The following ANKRD6 variants were observed in gnomAD, a reference collection of about 807,000 sequenced individuals.
ANKRD6 encodes ankyrin repeat domain-containing protein 6.
ANKRD6 carries 56 observed loss-of-function variants against 82.3 expected under a neutral mutation model. That is an observed-to-expected ratio of 0.68 (90% CI 0.55 to 0.85). The LOEUF is 0.85. ANKRD6 is among the 40% of genes least tolerant of loss of function. ANKRD6 has a pLI of 0.00. For missense variants in ANKRD6, 852 were observed against 907.6 expected (o/e 0.94, Z 0.79); for synonymous variants, 347 against 352.1 (o/e 0.99, Z 0.16).
chr6:89,627,085 T>A (rs1472769466), intron 13 of ANKRD6, among the ~76,000 whole-genome samples: 1 of 152,134 alleles, frequency 6.6e-6, no homozygotes, highest in East Asian at 1.9e-4. Flanking sequence ...GGTTGTGTAT[T>A]TACTGGATAT....
intron 1 of ANKRD6, among the ~76,000 whole-genome samples, chr6:89,496,004 C>G (rs1778565824): frequency 6.6e-6 from 1 of 152,042 alleles, no homozygotes; most frequent in Admixed American, 6.5e-5. Flanking sequence ...ATATGCAATT[C>G]CATGGGCCCC....
rs1466750408 is a variant in ANKRD6, at chr6:89,629,052, G to T, written c.1486-60G>T. On this transcript the variant is annotated intron_variant, in intron 14 of 15. Coordinates refer to ENST00000339746, the MANE Select transcript of ANKRD6 (RefSeq NM_001242809.2). ...CTTGATGCTTTAATTCATAAACCAT[G>T]TATCAAATTCACTTGATTCTTCTAT... 18 of 1,536,664 alleles carry T rather than the reference G, an allele frequency of 1.2e-5. 1 individual carries two copies. The highest frequency in any genetic ancestry group is 2.4e-5 in the South Asian group (2 of 83,888).
intron 1 of ANKRD6, among the ~76,000 whole-genome samples, chr6:89,529,727 T>C (rs1305407546): frequency 2.6e-5 from 4 of 152,174 alleles, no homozygotes; most frequent in Admixed American, 6.5e-5. Flanking sequence ...TAGAGGCCAT[T>C]GTATGGTTAT....
chr6:89,476,083 CTT>C (rs1217553936), intron 1 of ANKRD6, among the ~76,000 whole-genome samples: 4 of 152,154 alleles, frequency 2.6e-5, no homozygotes, highest in Admixed American at 2.0e-4. Context: ...TAATGCCACT[CTT>C]GATACATTTT....
intron 5 of ANKRD6, among the ~76,000 whole-genome samples, chr6:89,607,188 C>A (rs1179552114): frequency 6.6e-6 from 1 of 150,882 alleles, no homozygotes; most frequent in African/African-American, 2.4e-5. Flanking sequence ...AAAAAAGGTC[C>A]TTTTTACTTG....
chr6:89,465,797 A>T (rs1264340548), intron 1 of ANKRD6, among the ~76,000 whole-genome samples: 4 of 152,146 alleles, frequency 2.6e-5, no homozygotes, highest in Non-Finnish European at 5.9e-5. Flanking sequence ...CGGGAGATCA[A>T]TGCTGCAGTG....
chr6:89,526,116 T>C (rs1351747315), intron 1 of ANKRD6, among the ~76,000 whole-genome samples: 2 of 152,244 alleles, frequency 1.3e-5, no homozygotes, highest in East Asian at 3.8e-4. Context: ...ACCTTAGTGT[T>C]CGTCTTAGTC....
At chr6:89,596,768 C>G (rs920361490) in intron 3 of ANKRD6, among the ~76,000 whole-genome samples, 2 of 152,120 alleles carry the variant, frequency 1.3e-5, no homozygotes, top group Non-Finnish European at 2.9e-5. Context: ...AGGTGGTTCT[C>G]TAAGAAAGGA....
intron 11 of ANKRD6, 68 bp downstream of exon 11, chr6:89,623,612 C>T (rs984996106): frequency 1.2e-5 from 19 of 1,522,600 alleles, no homozygotes; most frequent in African/African-American, 1.1e-4. Context: ...CCTGGCAGAG[C>T]GTCATGCCCA....
At chr6:89,544,019 C>A (rs1784741168) in intron 1 of ANKRD6, among the ~76,000 whole-genome samples, 2 of 152,204 alleles carry the variant, frequency 1.3e-5, no homozygotes, top group South Asian at 2.1e-4. Context: ...CAACAGAGGA[C>A]AAAACCACTG....
chr6:89,440,361 G>C (rs1562504701), intron 1 of ANKRD6, among the ~76,000 whole-genome samples: 1 of 152,190 alleles, frequency 6.6e-6, no homozygotes, highest in African/African-American at 2.4e-5. Context: ...GCAGATAAAG[G>C]CTAGTTAGTG....
intron 1 of ANKRD6, among the ~76,000 whole-genome samples, chr6:89,528,962 T>C (rs1480091759): frequency 1.3e-5 from 2 of 152,250 alleles, no homozygotes; most frequent in African/African-American, 4.8e-5. Flanking sequence ...TGCTGTCATC[T>C]GGCCTTTGTT....
At chr6:89,620,490 C>T (rs949975406) in intron 9 of ANKRD6, among the ~76,000 whole-genome samples, 1 of 152,188 alleles carries the variant, frequency 6.6e-6, no homozygotes, top group Non-Finnish European at 1.5e-5. Context: ...TACTTGATTT[C>T]CTGGTGAATC....
At chr6:89,526,380 T>C (rs1409050862) in intron 1 of ANKRD6, among the ~76,000 whole-genome samples, 1 of 152,174 alleles carries the variant, frequency 6.6e-6, no homozygotes, top group Non-Finnish European at 1.5e-5. Context: ...TCAGCCTTGC[T>C]CCTATACCTT....
At chr6:89,517,479 G>A (rs1481976720) in intron 1 of ANKRD6, among the ~76,000 whole-genome samples, 1 of 152,176 alleles carries the variant, frequency 6.6e-6, no homozygotes. Context: ...TTTCTGGTAG[G>A]TTGAAAGTTG....
In ANKRD6 at chr6:89,552,055, G is replaced by A. The variant is rs567866282; in HGVS notation, c.-143-14779G>A. 3.7e-3 allele frequency among the ~76,000 whole-genome samples: 561 copies of A among 152,360 alleles called. 1 individual carries two copies. The highest frequency in any genetic ancestry group is 6.3e-3 in the Non-Finnish European group (429 of 68,038). ...TCATGTGACATAATTATTGGTTAAG[G>A]AATGTAGTGGACCAAACTTGCTCAT... On this transcript the variant is annotated intron_variant, in intron 1 of 15. Transcript: ENST00000339746.
In ANKRD6 at chr6:89,618,069, G is replaced by A. The variant is rs200276775; in HGVS notation, c.792+38G>A. ...GCCCTTTCCATGGTACTGATTATGC[G>A]GGACTACAAAGTTGTTGGGACTCCT... On this transcript the variant is annotated intron_variant, in intron 9 of 15. Coordinates refer to ENST00000339746, the MANE Select transcript of ANKRD6 (RefSeq NM_001242809.2). 21 of 1,608,182 alleles carry A rather than the reference G, an allele frequency of 1.3e-5. No individual in the cohort carries two copies. The East Asian group carries it at 3.6e-4, about 27-fold the overall frequency.
At chr6:89,528,695 C>T (rs1562728616) in intron 1 of ANKRD6, among the ~76,000 whole-genome samples, 1 of 152,232 alleles carries the variant, frequency 6.6e-6, no homozygotes, top group South Asian at 2.1e-4. Context: ...CAGTCACTTA[C>T]TGTGGTAGCT....
chr6:89,551,362 T>G (rs1413526644), intron 1 of ANKRD6, among the ~76,000 whole-genome samples: 1 of 152,220 alleles, frequency 6.6e-6, no homozygotes, highest in Admixed American at 6.5e-5. Context: ...CACCATGCTG[T>G]TTGTTTTGAC....
Sources: allele counts gnomAD v4.1 joint callset (sites outside exome capture counted in the v4.1 genomes callset), GRCh38; gene constraint gnomAD v4.1.1; transcripts MANE v1.5; gene names NCBI Gene and HGNC (gene_info 2026-07-23, HGNC 2026-07-21).